The following PHLPP1 variants were observed in gnomAD, a reference collection of about 807,000 sequenced individuals.
PHLPP1 encodes PH domain and leucine rich repeat protein phosphatase 1.
Under a neutral mutation model 117.2 loss-of-function variants are expected in PHLPP1, and 42 were observed. The observed-to-expected ratio is 0.36, with a 90% CI of 0.28 to 0.46. The LOEUF (loss-of-function observed/expected upper bound fraction) is 0.46. PHLPP1 is among the 20% of genes least tolerant of loss of function. The probability of loss-of-function intolerance (pLI) is 1.00; values close to 1 mark genes in which losing one functional copy is unlikely to be tolerated. For synonymous variants in PHLPP1, 1,042 were observed against 970.7 expected (o/e 1.07, Z -1.37); for missense variants, 2,084 against 2,241.9 (o/e 0.93, Z 1.42).
At chr18:62,842,257 T>C (rs955628689) in intron 3 of PHLPP1, among the ~76,000 whole-genome samples, 5 of 152,228 alleles carry the variant, frequency 3.3e-5, no homozygotes, top group African/African-American at 1.2e-4. Context: ...TTTGCTGCTC[T>C]TAACAACCAT....
chr18:62,973,038 G>A (rs1050871800), intron 15 of PHLPP1, among the ~76,000 whole-genome samples: 1 of 152,218 alleles, frequency 6.6e-6, no homozygotes, highest in African/African-American at 2.4e-5. Flanking sequence ...CATGTGAGCT[G>A]TAGGGGCTTT....
chr18:62,741,922 A>G (rs1003469161), intron 1 of PHLPP1, among the ~76,000 whole-genome samples: 1 of 151,896 alleles, frequency 6.6e-6, no homozygotes, highest in Non-Finnish European at 1.5e-5. Context: ...GGGCCATATA[A>G]TGGGTGTGTG....
chr18:62,972,480 G>A, intron 14 of PHLPP1, 34 bp from the exon 15 acceptor site: 1 of 1,593,398 alleles, frequency 6.3e-7, no homozygotes, highest in Non-Finnish European at 8.6e-7. Context: ...AGGAGGATGA[G>A]TGGACTCAGC....
At chr18:62,928,103 T>C (rs1053816099) in intron 10 of PHLPP1, among the ~76,000 whole-genome samples, 2 of 152,214 alleles carry the variant, frequency 1.3e-5, no homozygotes, top group African/African-American at 4.8e-5. Flanking sequence ...TCAGGGTTTT[T>C]ATATCAAGCC....
intron 1 of PHLPP1, among the ~76,000 whole-genome samples, chr18:62,803,093 T>C (rs1038845499): frequency 8.5e-5 from 13 of 152,346 alleles, no homozygotes; most frequent in African/African-American, 2.6e-4. Context: ...TAAAATCAGA[T>C]TTAGAAATAA....
chr18:62,726,684 T>C (rs1599014849), intron 1 of PHLPP1, among the ~76,000 whole-genome samples: 1 of 148,460 alleles, frequency 6.7e-6, no homozygotes, highest in South Asian at 2.2e-4. Flanking sequence ...CCCGGGTTCA[T>C]GCGATTCTCC....
intron 1 of PHLPP1, among the ~76,000 whole-genome samples, chr18:62,778,129 AT>A (rs1913015821): frequency 6.6e-6 from 1 of 152,252 alleles, no homozygotes; most frequent in South Asian, 2.1e-4. Flanking sequence ...CTGTTATTAT[AT>A]TTACTGCATT....
chr18:62,716,343 C>G lies in PHLPP1; in HGVS notation c.660C>G (p.Leu220=), dbSNP rs1156575206. ...HMASTYLRPV[L]CTLDTTAGEV... ...CCTCGACCTACCTGCGCCCGGTGCTCTGCACACTGGACACCACGGCCGGCG... is the reference window on the plus strand; with the variant it reads ...CCTCGACCTACCTGCGCCCGGTGCTGTGCACACTGGACACCACGGCCGGCG... Residue 220 remains leucine, a synonymous_variant, in exon 1 of 17, where the codon CTC becomes CTG. Coordinates refer to ENST00000262719, the MANE Select transcript of PHLPP1 (RefSeq NM_194449.4). The surrounding 1 kb of genome is among the most constrained non-coding windows in gnomAD (Gnocchi z 5.7). 3.9e-6 allele frequency: 6 copies of G among 1,523,708 alleles called. No individual in the cohort carries two copies. The highest frequency in any genetic ancestry group is 4.0e-5 in the Admixed American group (2 of 49,990). 94.4% of individuals were successfully genotyped at this position (1,523,708 alleles called of 1,614,324 possible).
intron 4 of PHLPP1, among the ~76,000 whole-genome samples, chr18:62,869,296 T>G (rs1269605780): frequency 2.0e-5 from 3 of 152,170 alleles, no homozygotes; most frequent in African/African-American, 7.2e-5. Flanking sequence ...TGTCCTCTGC[T>G]GGAATTGGGG....
At chr18:62,836,477 AAATAAAT>A (rs1329642944) in intron 2 of PHLPP1, among the ~76,000 whole-genome samples, 139 of 128,104 alleles carry the variant, frequency 1.1e-3, no homozygotes, top group Admixed American at 2.1e-3. Context: ...ATAAATAAAT[AAATAAAT>A]AAAAATAAAT....
At chr18:62,790,063 T>C (rs1740103202) in intron 1 of PHLPP1, among the ~76,000 whole-genome samples, 1 of 152,146 alleles carries the variant, frequency 6.6e-6, no homozygotes, top group Non-Finnish European at 1.5e-5. Flanking sequence ...AGGAAATAAA[T>C]ACAGATTGCA....
chr18:62,825,918 A>G (rs911678134), intron 1 of PHLPP1, among the ~76,000 whole-genome samples: 1 of 152,226 alleles, frequency 6.6e-6, no homozygotes, highest in African/African-American at 2.4e-5. Context: ...AAGAGATGAA[A>G]AAGATAAAAG....
intron 4 of PHLPP1, among the ~76,000 whole-genome samples, chr18:62,886,842 G>A (rs940806468): frequency 1.3e-5 from 2 of 152,178 alleles, no homozygotes; most frequent in Admixed American, 6.5e-5. Context: ...TTGATTATGT[G>A]CTGCATAAAT....
intron 1 of PHLPP1, among the ~76,000 whole-genome samples, chr18:62,824,872 T>A (rs1203698377): frequency 6.6e-6 from 1 of 151,996 alleles, no homozygotes; most frequent in Non-Finnish European, 1.5e-5. Context: ...GTTTTACTTA[T>A]AATGGACCAC....
intron 1 of PHLPP1, among the ~76,000 whole-genome samples, chr18:62,766,060 C>CAAAAAAAAAAAA (rs1168861892): frequency 2.0e-4 from 3 of 15,236 alleles, no homozygotes; most frequent in African/African-American, 7.0e-4. Flanking sequence ...GACTCCATCT[C>CAAAAAAAAAAAA]AAAAAAAAAA....
At chr18:62,720,352 AATTTCT>A (rs1189590753) in intron 1 of PHLPP1, among the ~76,000 whole-genome samples, 3 of 152,180 alleles carry the variant, frequency 2.0e-5, no homozygotes, top group Non-Finnish European at 4.4e-5. Context: ...GTAGTCTAGC[AATTTCT>A]GTTCGAATTT....
At chr18:62,959,075 T>G (rs1910697788) in intron 13 of PHLPP1, among the ~76,000 whole-genome samples, 1 of 151,970 alleles carries the variant, frequency 6.6e-6, no homozygotes, top group Non-Finnish European at 1.5e-5. Flanking sequence ...GAATGCGGAG[T>G]AGTTAGATCC....
intron 1 of PHLPP1, among the ~76,000 whole-genome samples, chr18:62,721,372 T>C (rs1169896502): frequency 2.0e-5 from 3 of 152,030 alleles, no homozygotes; most frequent in African/African-American, 7.2e-5. Context: ...TAAATCTTCA[T>C]TGGGAAGTAG....
At chr18:62,877,035 T>A (rs1916065104) in intron 4 of PHLPP1, among the ~76,000 whole-genome samples, 1 of 152,140 alleles carries the variant, frequency 6.6e-6, no homozygotes, top group Non-Finnish European at 1.5e-5. Flanking sequence ...TATGAAGAAA[T>A]GAGCGATGAG....
Sources: allele counts gnomAD v4.1 joint callset (sites outside exome capture counted in the v4.1 genomes callset), GRCh38; gene constraint gnomAD v4.1.1; non-coding constraint Gnocchi (gnomAD v3.1); transcripts MANE v1.5; gene names NCBI Gene and HGNC (gene_info 2026-07-23, HGNC 2026-07-21).